The following APC variants were observed in gnomAD, a reference collection of about 807,000 sequenced individuals.
The protein encoded by APC is APC regulator of Wnt signaling pathway, also known as adenomatous polyposis coli protein.
Under a neutral mutation model 247.0 loss-of-function variants are expected in APC, and 72 were observed. That is an observed-to-expected ratio of 0.29 (90% CI 0.24 to 0.35). The LOEUF (loss-of-function observed/expected upper bound fraction) is 0.35. APC is among the 10% of genes least tolerant of loss of function. APC has a pLI of 1.00. For missense variants in APC, 3,400 were observed against 3,360.7 expected (o/e 1.01, Z -0.29); for synonymous variants, 1,254 against 1,162.5 (o/e 1.08, Z -1.60).
At position 112,845,525 on chromosome 5, in the gene APC, T is replaced by TCA. The variant is rs2150012059; in HGVS notation, c.*1400_*1401dup. On this transcript the variant is annotated 3_prime_UTR_variant, in exon 16 of 16. Coordinates refer to ENST00000257430, the MANE Select transcript of APC (RefSeq NM_000038.6). ...GCAAGATCTCAGCAGTGAAGTATAATCAGCACTTTGCCATGCTCAGAAAAT... is the reference window on the plus strand; with the variant it reads ...GCAAGATCTCAGCAGTGAAGTATAATCACAGCACTTTGCCATGCTCAGAAAAT... 4.3e-6 allele frequency: 1 copy of TCA among 233,238 alleles called. No individual in the cohort carries two copies. Among genetic ancestry groups the TCA allele is most frequent in the South Asian group, 1.8e-4 (1 of 5,526 alleles). The allele number at this position is 233,238 out of a possible 1,614,324, so 14.4% of individuals were successfully genotyped here.
intron 1 of APC, among the ~76,000 whole-genome samples, chr5:112,726,819 G>A (rs1255865186): frequency 6.6e-6 from 1 of 152,128 alleles, no homozygotes; most frequent in Non-Finnish European, 1.5e-5. Context: ...GAGTACTTGG[G>A]AGGGAAAGTT....
At chr5:112,758,202 G>A (rs1380850631) in intron 2 of APC, among the ~76,000 whole-genome samples, 1 of 152,214 alleles carries the variant, frequency 6.6e-6, no homozygotes, top group African/African-American at 2.4e-5. Context: ...ATGGAATTTA[G>A]ATGATATGAA....
intron 1 of APC, among the ~76,000 whole-genome samples, chr5:112,718,339 T>C (rs1159110012): frequency 6.6e-6 from 1 of 152,142 alleles, no homozygotes; most frequent in Non-Finnish European, 1.5e-5. Context: ...TGCCTGGGGG[T>C]GTGAGAACAT....
At chr5:112,820,700 T>G (rs971708538) in intron 10 of APC, among the ~76,000 whole-genome samples, 2 of 152,216 alleles carry the variant, frequency 1.3e-5, no homozygotes, top group Admixed American at 6.5e-5. Flanking sequence ...TTTGAGAAGT[T>G]TTTTAAAAAC....
rs1370922153 is a variant in APC at position 112,820,531 on chromosome 5, A to G, written c.1312+1187A>G. Among the ~76,000 whole-genome samples the G allele has an allele frequency of 3.3e-5, 5 of 152,292 alleles. No homozygotes were observed. The East Asian group carries it at 7.7e-4, about 24-fold the overall frequency. ...TAAGAAAAAAGGGATTGCCTTTCAT[A>G]TCTATTTGTCCTGGGGTGAGGGGAA... On this transcript the variant is annotated intron_variant, in intron 10 of 15. Coordinates refer to ENST00000257430, the MANE Select transcript of APC (RefSeq NM_000038.6).
At chr5:112,713,720 T>A (rs1054989108) in intron 1 of APC, among the ~76,000 whole-genome samples, 3 of 152,144 alleles carry the variant, frequency 2.0e-5, no homozygotes, top group African/African-American at 7.2e-5. Flanking sequence ...CAGGCTGGAG[T>A]GCAGTGGCTT....
intron 1 of APC, among the ~76,000 whole-genome samples, chr5:112,745,718 C>T (rs78123091): frequency 6.6e-6 from 1 of 151,850 alleles, no homozygotes. Context: ...CAGGCGGGTG[C>T]CACCACGCCC....
chr5:112,785,849 G>T (rs1758883834), intron 6 of APC, among the ~76,000 whole-genome samples: 1 of 152,220 alleles, frequency 6.6e-6, no homozygotes, highest in South Asian at 2.1e-4. Context: ...CTATTCAAAT[G>T]TGAAAAATAA....
rs786202283 is a variant in APC, at chr5:112,819,327, A to C, written c.1295A>C (p.Asp432Ala). The C allele has an allele frequency of 6.2e-7, 1 of 1,614,050 alleles. No individual in the cohort carries two copies. The highest frequency in any genetic ancestry group is 8.5e-7 in the Non-Finnish European group (1 of 1,179,954). The change falls in exon 10 of 16, where the codon GAC becomes GCC. Residue 432 changes from aspartate to alanine, a missense_variant. Physicochemically the swap from Asp to Ala is moderately radical, Grantham distance 126 (BLOSUM62 -2). Around this residue, in one of 9 missense-constraint regions of APC, gnomAD observed 199 missense variants for 212.5 expected, o/e 0.94. Coordinates refer to ENST00000257430, the MANE Select transcript of APC (RefSeq NM_000038.6). ...CAGGAAGCTCATGAACCAGGCATGG[A>C]CCAGGACAAAAATCCAAGTATGTTC... ...EWQEAHEPGMDQDKNPMPAPV... is the reference protein window; with the variant it reads ...EWQEAHEPGMAQDKNPMPAPV...
intron 4 of APC, among the ~76,000 whole-genome samples, chr5:112,768,104 C>A (rs1049582033): frequency 3.4e-5 from 5 of 148,488 alleles, no homozygotes; most frequent in African/African-American, 1.2e-4. Context: ...ATTGCAATGG[C>A]ACAATCTCGG....
intron 15 of APC, among the ~76,000 whole-genome samples, chr5:112,836,850 A>G (rs757247227): frequency 6.6e-6 from 1 of 151,582 alleles, no homozygotes; most frequent in Admixed American, 6.6e-5. Context: ...ACAGGCATGC[A>G]CTACCATGCC....
At chr5:112,739,118 G>C (rs1752678305) in intron 1 of APC, among the ~76,000 whole-genome samples, 1 of 152,158 alleles carries the variant, frequency 6.6e-6, no homozygotes, top group African/African-American at 2.4e-5. Flanking sequence ...AAATATTTAA[G>C]ATATTAATTC....
At chr5:112,764,163 G>A (rs1428121518) in intron 2 of APC, among the ~76,000 whole-genome samples, 2 of 151,270 alleles carry the variant, frequency 1.3e-5, no homozygotes, top group South Asian at 2.1e-4. Context: ...GGAGAATGGC[G>A]TGAACTTGGG....
chr5:112,755,251 T>A (rs1346130569), intron 2 of APC, among the ~76,000 whole-genome samples: 1 of 152,234 alleles, frequency 6.6e-6, no homozygotes, highest in Non-Finnish European at 1.5e-5. Flanking sequence ...GGCTAGTTAG[T>A]TCTTAGTTCT....
chr5:112,721,955 A>G (rs1355072182), intron 1 of APC, among the ~76,000 whole-genome samples: 1 of 152,158 alleles, frequency 6.6e-6, no homozygotes, highest in Non-Finnish European at 1.5e-5. Context: ...ATTCAAAGCC[A>G]TCCTGGGCCA....
rs184800094 is a variant in APC at position 112,762,067 on chromosome 5, A to G, written c.136-4259A>G. ...CAAACCAGTAACAAAAAGACAATCCAGTTTTTAAAATGTGACCCAGGGACT... is the reference window on the plus strand; with the variant it reads ...CAAACCAGTAACAAAAAGACAATCCGGTTTTTAAAATGTGACCCAGGGACT... On this transcript the variant is annotated intron_variant, in intron 2 of 15. Coordinates refer to ENST00000257430, the MANE Select transcript of APC (RefSeq NM_000038.6). Among the ~76,000 whole-genome samples the G allele has an allele frequency of 4.7e-4, 71 of 152,270 alleles. 1 individual carries two copies. The highest frequency in any genetic ancestry group is 1.6e-3 in the African/African-American group (66 of 41,506).
At chr5:112,794,559 G>A (rs1759997471) in intron 7 of APC, among the ~76,000 whole-genome samples, 1 of 152,092 alleles carries the variant, frequency 6.6e-6, no homozygotes, top group Admixed American at 6.5e-5. Flanking sequence ...CCAGCCACAA[G>A]TTTTGGGTGT....
At chr5:112,734,807 T>G (rs1752287613), upstream of APC, among the ~76,000 whole-genome samples, 1 of 150,768 alleles carries the variant, frequency 6.6e-6, no homozygotes, top group Non-Finnish European at 1.5e-5. Context: ...TTTTTTTTTT[T>G]TGAGATAGAG....
At chr5:112,731,676 C>T (rs1752106153) in intron 1 of APC, among the ~76,000 whole-genome samples, 1 of 152,146 alleles carries the variant, frequency 6.6e-6, no homozygotes, top group African/African-American at 2.4e-5. Flanking sequence ...TTTAAAATAT[C>T]ATTGCCTATT....
Sources: allele counts gnomAD v4.1 joint callset (sites outside exome capture counted in the v4.1 genomes callset), GRCh38; gene constraint gnomAD v4.1.1; regional missense constraint gnomAD v4.1.1; transcripts MANE v1.5; gene names NCBI Gene and HGNC (gene_info 2026-07-23, HGNC 2026-07-21).